The following OR8D1 variants were observed in gnomAD, a reference collection of about 807,000 sequenced individuals.
OR8D1 encodes the protein olfactory receptor 8D1.
For missense variants in OR8D1, 384 were observed against 366.8 expected (o/e 1.05, Z -0.38); for synonymous variants, 143 against 147.0 (o/e 0.97, Z 0.20).
Position 124,309,709 on chromosome 11 carries a change from T to C in OR8D1, c.*131A>G. 2.1e-6 allele frequency: 1 copy of C among 467,170 alleles called. No homozygotes were observed. The highest frequency in any genetic ancestry group is 3.6e-6 in the Non-Finnish European group (1 of 276,284). 28.9% of individuals were successfully genotyped at this position (467,170 alleles called of 1,614,324 possible). A position where few individuals can be genotyped will look rare whatever the true frequency, so the allele number is the denominator to read the frequency against. On this transcript the variant is annotated 3_prime_UTR_variant, in exon 3 of 3. Coordinates refer to ENST00000641015, the MANE Select transcript of OR8D1 (RefSeq NM_001002917.2). ...TTTGTTGAGAAAGTTGAATCAATCA[T>C]AGATGGGAAAGTATTTTTAAAATCT...
rs144925982 is a variant in OR8D1 at position 124,309,507 on chromosome 11, T to G, written c.*333A>C. On this transcript the variant is annotated 3_prime_UTR_variant, in exon 3 of 3. Coordinates refer to ENST00000641015, the MANE Select transcript of OR8D1 (RefSeq NM_001002917.2). ...AGTGGACAACTCAGTACCTCCCACA[T>G]AGCAAGTATTCAACAAGCAAACATG... 5.6e-3 allele frequency: 893 copies of G among 160,864 alleles called. 8 individuals carry two copies. The highest frequency in any genetic ancestry group is 0.02 in the African/African-American group (852 of 41,828). The allele number at this position is 160,864 out of a possible 1,614,324, so 10.0% of individuals were successfully genotyped here.
rs1037023873 is a variant in OR8D1 at position 124,306,999 on chromosome 11, A to G, written c.*2841T>C. On this transcript the variant is annotated 3_prime_UTR_variant, in exon 3 of 3. Transcript: ENST00000641015. ...AATATATCCTTGGTTATCCTTGCCT[A>G]TGAAATTCTACCTCTACTAATAGAG... 6 of 152,058 alleles carry G rather than the reference A, an allele frequency of 3.9e-5. No individual in the cohort carries two copies. The highest frequency in any genetic ancestry group is 2.1e-4 in the South Asian group (1 of 4,830). 9.4% of individuals were successfully genotyped at this position (152,058 alleles called of 1,614,324 possible).
chr11:124,303,109 A>T lies in OR8D1; in HGVS notation c.*6731T>A, dbSNP rs552244928. 31 of 152,552 alleles carry T rather than the reference A, an allele frequency of 2.0e-4. No homozygotes were observed. The highest frequency in any genetic ancestry group is 7.2e-4 in the African/African-American group (30 of 41,554). The allele number at this position is 152,552 out of a possible 1,614,324, so 9.4% of individuals were successfully genotyped here. Reference sequence around the variant, plus strand: ...TTCATAAAGAAGAGAGGTTTAATTGACTCACAGTTCTACATGGCTGGGGAA... The same window carrying T: ...TTCATAAAGAAGAGAGGTTTAATTGTCTCACAGTTCTACATGGCTGGGGAA... On this transcript the variant is annotated 3_prime_UTR_variant, in exon 3 of 3. Coordinates refer to ENST00000641015, the MANE Select transcript of OR8D1 (RefSeq NM_001002917.2).
rs1489975536 is a variant in OR8D1, at chr11:124,303,199, GAGAC to G, written c.*6637_*6640del. ...GCACATCTCACATGGCGGGAGGTGT[GAGAC>G]AGAGCAGGAAAAACTACCATTTATA... On this transcript the variant is annotated 3_prime_UTR_variant, in exon 3 of 3. Coordinates refer to ENST00000641015, the MANE Select transcript of OR8D1 (RefSeq NM_001002917.2). The G allele has an allele frequency of 6.6e-6, 1 of 152,136 alleles. No individual in the cohort carries two copies. Among genetic ancestry groups the G allele is most frequent in the Admixed American group, 6.6e-5 (1 of 15,236 alleles). The allele number at this position is 152,136 out of a possible 1,614,324, so 9.4% of individuals were successfully genotyped here. A position where few individuals can be genotyped will look rare whatever the true frequency, so the allele number is the denominator to read the frequency against.
intron 2 of OR8D1, 30 bp from the exon 3 acceptor site, chr11:124,310,812 A>G: frequency 6.9e-7 from 1 of 1,454,776 alleles, no homozygotes; most frequent in Non-Finnish European, 9.4e-7. Flanking sequence ...GAATTACCTT[A>G]ACATGGACCC....
At chr11:124,311,053 G>A (rs988157942) in intron 2 of OR8D1, among the ~76,000 whole-genome samples, 4 of 152,118 alleles carry the variant, frequency 2.6e-5, no homozygotes, top group Non-Finnish European at 4.4e-5. Flanking sequence ...TGTTTACTTT[G>A]TGGGGAGAAT....
chr11:124,305,092 A>G lies in OR8D1; in HGVS notation c.*4748T>C, dbSNP rs1259858231. The G allele has an allele frequency of 1.3e-5, 2 of 151,924 alleles. No individual in the cohort carries two copies. Among genetic ancestry groups the G allele is most frequent in the African/African-American group, 4.8e-5 (2 of 41,426 alleles). The allele number at this position is 151,924 out of a possible 1,614,324, so 9.4% of individuals were successfully genotyped here. A position where few individuals can be genotyped will look rare whatever the true frequency, so the allele number is the denominator to read the frequency against. On this transcript the variant is annotated 3_prime_UTR_variant, in exon 3 of 3. Coordinates refer to ENST00000641015, the MANE Select transcript of OR8D1 (RefSeq NM_001002917.2). ...GCTTTTGGATACAGACATCTAGTCA[A>G]TCAGAACAATCTGTTGAACAGATTT...
At position 124,310,255 on chromosome 11, in the gene OR8D1, G is replaced by T; in HGVS notation, c.512C>A (p.Ser171Tyr). Reference protein sequence around the residue: ...SAMMKLSFCKSHIINHYFCDV... With the variant: ...SAMMKLSFCKYHIINHYFCDV... ...ACAGAAGTAATGGTTGATAATGTGGGATTTGCAAAAGGACAGTTTCATCAT... is the reference window on the plus strand; with the variant it reads ...ACAGAAGTAATGGTTGATAATGTGGTATTTGCAAAAGGACAGTTTCATCAT... The change falls in exon 3 of 3, where the codon TCC (serine) becomes TAC (tyrosine). Residue 171 changes from serine to tyrosine, a missense_variant. Transcript: ENST00000641015. 6.2e-7 allele frequency: 1 copy of T among 1,613,854 alleles called. No homozygotes were observed. The highest frequency in any genetic ancestry group is 8.5e-7 in the Non-Finnish European group (1 of 1,179,932).
At chr11:124,310,849 T>G in intron 2 of OR8D1, 67 bp from the exon 3 acceptor site, 2 of 1,011,086 alleles carry the variant, frequency 2.0e-6, no homozygotes, top group Non-Finnish European at 1.5e-6. Flanking sequence ...CAAAACCAAA[T>G]TGCATAAGGG....
In OR8D1 at chr11:124,310,139, G is replaced by A. The variant is rs373374063; in HGVS notation, c.628C>T (p.Pro210Ser). ...TAGGAGACAGCAACAGCTAGGGTGG[G>A]CACCAAGGTGTTAAACCCCGCAATG... ...FIIAGFNTLV[P>S]TLAVAVSYAF... is the part of the protein sequence containing the mutation. Residue 210 changes from proline (P) to serine (S), a missense_variant, in exon 3 of 3, where the codon CCC becomes TCC. Physicochemically the swap from Pro to Ser is moderately conservative, Grantham distance 74 (BLOSUM62 -1). Transcript: ENST00000641015. 13 of 1,613,578 alleles carry A rather than the reference G, an allele frequency of 8.1e-6. No individual in the cohort carries two copies. The African/African-American group carries it at 1.3e-4, about 17-fold the overall frequency.
Position 124,303,012 on chromosome 11 carries a change from C to T in OR8D1, c.*6828G>A, listed in dbSNP as rs1288264461. 2 of 152,024 alleles carry T rather than the reference C, an allele frequency of 1.3e-5. No homozygotes were observed. The highest frequency in any genetic ancestry group is 6.6e-5 in the Admixed American group (1 of 15,226). 9.4% of individuals were successfully genotyped at this position (152,024 alleles called of 1,614,324 possible). A position where few individuals can be genotyped will look rare whatever the true frequency, so the allele number is the denominator to read the frequency against. ...GGAAGGAATAAGGAGACCAAAACTA[C>T]AGACAGTTCAGAAATGAGTCTGTAT... is the stretch of plus-strand genomic sequence containing the variant. On this transcript the variant is annotated 3_prime_UTR_variant, in exon 3 of 3. Coordinates refer to ENST00000641015, the MANE Select transcript of OR8D1 (RefSeq NM_001002917.2).
At position 124,304,068 on chromosome 11, in the gene OR8D1, A is replaced by C. The variant is rs1483882206; in HGVS notation, c.*5772T>G. The C allele has an allele frequency of 1.3e-5, 2 of 152,034 alleles. No homozygotes were observed. The highest frequency in any genetic ancestry group is 2.9e-5 in the Non-Finnish European group (2 of 67,948). 9.4% of individuals were successfully genotyped at this position (152,034 alleles called of 1,614,324 possible). A position where few individuals can be genotyped will look rare whatever the true frequency, so the allele number is the denominator to read the frequency against. ...TATAATAGTTCAGTAGTTACAATGG[A>C]ATCCTTATGGTCTGTGAACTCTAAA... On this transcript the variant is annotated 3_prime_UTR_variant, in exon 3 of 3. Coordinates refer to ENST00000641015, the MANE Select transcript of OR8D1 (RefSeq NM_001002917.2).
Position 124,310,654 on chromosome 11 carries a change from G to T in OR8D1, c.113C>A (p.Thr38Lys). 6.2e-7 allele frequency: 1 copy of T among 1,613,970 alleles called. No homozygotes were observed. The highest frequency in any genetic ancestry group is 8.5e-7 in the Non-Finnish European group (1 of 1,179,888). Reference sequence around the variant, plus strand: ...AATCATGCCCAGGTTGCCCACTACTGTGACCACATAGATTCCCAGGAACAG... The same window carrying T: ...AATCATGCCCAGGTTGCCCACTACTTTGACCACATAGATTCCCAGGAACAG... ...FLLFLGIYVV[T>K]VVGNLGMILL... Residue 38 changes from threonine (T) to lysine (K), a missense_variant, in exon 3 of 3, where the codon ACA becomes AAA. Transcript: ENST00000641015.
rs1862369166 is a variant in OR8D1, at chr11:124,306,390, G to GTATT, written c.*3449_*3450insAATA. On this transcript the variant is annotated 3_prime_UTR_variant, in exon 3 of 3. Coordinates refer to ENST00000641015, the MANE Select transcript of OR8D1 (RefSeq NM_001002917.2). ...TTAATAGCTACTATATATATATAAT[G>GTATT]AATATTATATATATAATATTCATAT... The GTATT allele has an allele frequency of 6.8e-6, 1 of 147,848 alleles. No individual in the cohort carries two copies. The highest frequency in any genetic ancestry group is 1.5e-5 in the Non-Finnish European group (1 of 67,128). 9.2% of individuals were successfully genotyped at this position (147,848 alleles called of 1,614,324 possible).
rs1209195701 is a variant in OR8D1, at chr11:124,307,281, T to TTA, written c.*2557_*2558dup. The TTA allele has an allele frequency of 6.6e-6, 1 of 152,114 alleles. No homozygotes were observed. The highest frequency in any genetic ancestry group is 1.5e-5 in the Non-Finnish European group (1 of 68,016). The allele number at this position is 152,114 out of a possible 1,614,324, so 9.4% of individuals were successfully genotyped here. Reference sequence around the variant, plus strand: ...GCAGTGACATTTATTTTGCAATATTTTATAGTTTACAGTTTATGTGTAACT... The same window carrying TTA: ...GCAGTGACATTTATTTTGCAATATTTTATATAGTTTACAGTTTATGTGTAACT... On this transcript the variant is annotated 3_prime_UTR_variant, in exon 3 of 3. Transcript: ENST00000641015.
Position 124,310,644 on chromosome 11 carries a change from G to A in OR8D1, c.123C>T (p.Gly41=). ...FLGIYVVTVV[G]NLGMILLIAV... The stretch of plus-strand genomic sequence containing the variant: ...CAATCAGGAGAATCATGCCCAGGTT[G>A]CCCACTACTGTGACCACATAGATTC... The change falls in exon 3 of 3, where the codon GGC becomes GGT. Residue 41 remains glycine (G), a synonymous_variant. Transcript: ENST00000641015. 5.0e-6 allele frequency: 8 copies of A among 1,613,924 alleles called. No homozygotes were observed. Among genetic ancestry groups the A allele is most frequent in the Non-Finnish European group, 6.8e-6 (8 of 1,179,892 alleles).
In OR8D1 at chr11:124,310,004, T is replaced by G. The variant is rs559194998; in HGVS notation, c.763A>C (p.Ile255Leu). 6.3e-7 allele frequency: 1 copy of G among 1,594,566 alleles called. No homozygotes were observed. The highest frequency in any genetic ancestry group is 1.1e-5 in the South Asian group (1 of 87,970). Residue 255 changes from isoleucine to leucine, a missense_variant, in exon 3 of 3, where the codon ATT becomes CTT. By Grantham distance (5) the Ile-to-Leu change is conservative. Coordinates refer to ENST00000641015, the MANE Select transcript of OR8D1 (RefSeq NM_001002917.2). ...LMAVVIFFGS[I>L]TFMYFKPPSS... ...GGGGGCTTGAAATACATGAAGGTAA[T>G]GGACCCAAAGAAGATCACCACAGCC...
chr11:124,308,709 G>A lies in OR8D1; in HGVS notation c.*1131C>T, dbSNP rs1018424511. On this transcript the variant is annotated 3_prime_UTR_variant, in exon 3 of 3. Coordinates refer to ENST00000641015, the MANE Select transcript of OR8D1 (RefSeq NM_001002917.2). ...TGGCAAAAACAAAGAAAAAGTAAAG[G>A]GAGAAAGGCAACTAATTTCAGCAAA... The A allele has an allele frequency of 1.3e-5, 2 of 152,018 alleles. No individual in the cohort carries two copies. Among genetic ancestry groups the A allele is most frequent in the African/African-American group, 4.8e-5 (2 of 41,410 alleles). The allele number at this position is 152,018 out of a possible 1,614,324, so 9.4% of individuals were successfully genotyped here.
chr11:124,309,792 C>A lies in OR8D1; in HGVS notation c.*48G>T. On this transcript the variant is annotated 3_prime_UTR_variant, in exon 3 of 3. Transcript: ENST00000641015. ...AAAATAGAAAAAAGGAATATATGTT[C>A]ATTGGAACTATTCATTTTTCCCATC... 9.4e-7 allele frequency: 1 copy of A among 1,059,336 alleles called. No individual in the cohort carries two copies. Among genetic ancestry groups the A allele is most frequent in the South Asian group, 2.8e-5 (1 of 35,844 alleles). The allele number at this position is 1,059,336 out of a possible 1,614,324, so 65.6% of individuals were successfully genotyped here.
Sources: gnomAD v4.1 joint callset for allele counts (sites outside exome capture counted in the v4.1 genomes callset) on GRCh38, gnomAD v4.1.1 for gene constraint, MANE v1.5 for transcripts, NCBI Gene and HGNC (gene_info 2026-07-23, HGNC 2026-07-21) for gene names.